The following ATP5PB variants were observed in gnomAD, a reference collection of about 807,000 sequenced individuals.
ATP5PB encodes the protein ATP synthase peripheral stalk subunit b, mitochondrial.
ATP5PB carries 21 observed loss-of-function variants against 34.5 expected under a neutral mutation model. The ratio of observed to expected loss-of-function variants is 0.61; its 90% CI spans 0.43 to 0.88. The LOEUF is 0.88. Among genes scored for constraint, ATP5PB ranks in the 40% least tolerant of loss-of-function variants. The probability of loss-of-function intolerance (pLI) is 0.00; values close to 1 mark genes in which losing one functional copy is unlikely to be tolerated. For synonymous variants in ATP5PB, 108 were observed against 114.1 expected, an observed-to-expected ratio of 0.95 and a Z score of 0.34; for missense variants, 293 against 317.4, an observed-to-expected ratio of 0.92 and a Z score of 0.58.
chr1:111,449,934 C>T, intron 2 of ATP5PB, 61 bp downstream of exon 2: 1 of 1,600,386 alleles, frequency 6.2e-7, no homozygotes, highest in Non-Finnish European at 8.6e-7. Flanking sequence ...TTTCCCGATT[C>T]CTGCCCCCAC....
chr1:111,454,393 G>C (rs552962930), intron 3 of ATP5PB, 37 bp downstream of exon 3: 2 of 1,551,920 alleles, frequency 1.3e-6, no homozygotes, highest in South Asian at 2.5e-5. Context: ...AATATGTTTT[G>C]ATGGCACCAC....
chr1:111,459,154 A>G (rs1454961539), intron 5 of ATP5PB, among the ~76,000 whole-genome samples: 1 of 152,194 alleles, frequency 6.6e-6, no homozygotes, highest in Non-Finnish European at 1.5e-5. Flanking sequence ...AGTGATGTGT[A>G]TATGCCTATA....
chr1:111,458,140 A>G (rs1653524562), intron 5 of ATP5PB, among the ~76,000 whole-genome samples: 1 of 152,242 alleles, frequency 6.6e-6, no homozygotes, highest in Non-Finnish European at 1.5e-5. Context: ...GGAGAAGCAC[A>G]GAAAATAAAT....
chr1:111,454,436 T>G, intron 3 of ATP5PB, 80 bp downstream of exon 3: 1 of 1,478,528 alleles, frequency 6.8e-7, no homozygotes, highest in Non-Finnish European at 9.0e-7. Flanking sequence ...TCTTCTTTGG[T>G]TTTTGTTGTT....
Position 111,452,060 on chromosome 1 carries a change from G to C in ATP5PB, c.78-2151G>C, listed in dbSNP as rs574720595. On this transcript the variant is annotated intron_variant, in intron 2 of 6. Coordinates refer to ENST00000369722, the MANE Select transcript of ATP5PB (RefSeq NM_001688.5). ...CTTGAGCCCAGGAGGTGGAGGCTGC[G>C]AGTGAGCAGTGATGGCACCACTGCA... Among the ~76,000 whole-genome samples, 15 of 151,688 alleles carry C rather than the reference G, an allele frequency of 9.9e-5. No individual in the cohort carries two copies. In the East Asian group the frequency reaches 2.9e-3, roughly 29 times the overall value.
rs539413637 is a variant in ATP5PB, at chr1:111,449,806, C to T, written c.41-31C>T. On this transcript the variant is annotated intron_variant, in intron 1 of 6. Coordinates refer to ENST00000369722, the MANE Select transcript of ATP5PB (RefSeq NM_001688.5). ...AAAGGGCAAACCAGATTTCATTTGA[C>T]TTTGCTGACCTTCGCCTTGTCTATC... The T allele has an allele frequency of 8.1e-6, 13 of 1,614,102 alleles. No homozygotes were observed. The East Asian group carries it at 1.6e-4, about 19-fold the overall frequency.
At chr1:111,456,508 CTA>C in intron 4 of ATP5PB, 120 bp from the exon 5 acceptor site, 2 of 1,326,804 alleles carry the variant, frequency 1.5e-6, no homozygotes, top group East Asian at 2.6e-5. Context: ...GCGTTTCTTT[CTA>C]TGTTTCTTTG....
chr1:111,450,392 A>G (rs569961970), intron 2 of ATP5PB, among the ~76,000 whole-genome samples: 24 of 152,226 alleles, frequency 1.6e-4, no homozygotes, highest in Non-Finnish European at 2.8e-4. Context: ...ACCTGCCCTC[A>G]TGGAGCTCAC....
chr1:111,459,501 G>A lies in ATP5PB; in HGVS notation c.558G>A (p.Leu186=), dbSNP rs1557801689. The change falls in exon 6 of 7, where the codon CTG becomes CTA. Residue 186 remains leucine (L), a synonymous_variant. Transcript: ENST00000369722. ...TGGAAGTTACTTACCGGGAACGACT[G>A]TATAGAGTATATAAGGAAGTAAAGA... ...MALEVTYRER[L]YRVYKEVKNR... The A allele has an allele frequency of 6.2e-7, 1 of 1,613,796 alleles. No homozygotes were observed. The highest frequency in any genetic ancestry group is 2.2e-5 in the East Asian group (1 of 44,880).
At chr1:111,456,379 C>A in intron 4 of ATP5PB, 130 bp downstream of exon 4, 1 of 1,128,916 alleles carries the variant, frequency 8.9e-7, no homozygotes, top group Non-Finnish European at 1.2e-6. Flanking sequence ...TAAGTGTTAA[C>A]GTTAGTTACT....
At chr1:111,450,615 A>G (rs943065572) in intron 2 of ATP5PB, among the ~76,000 whole-genome samples, 1 of 152,180 alleles carries the variant, frequency 6.6e-6, no homozygotes, top group Non-Finnish European at 1.5e-5. Context: ...GTGCTTAGTA[A>G]ATTTAGCAGC....
intron 5 of ATP5PB, among the ~76,000 whole-genome samples, chr1:111,458,900 C>T (rs940322500): frequency 3.3e-5 from 5 of 152,164 alleles, no homozygotes; most frequent in Non-Finnish European, 7.4e-5. Flanking sequence ...ATTATAATAA[C>T]TATGCCATGG....
chr1:111,452,906 G>T (rs915853776), intron 2 of ATP5PB, among the ~76,000 whole-genome samples: 1 of 152,152 alleles, frequency 6.6e-6, no homozygotes, highest in African/African-American at 2.4e-5. Context: ...CAGTTCAAAC[G>T]TCGGTAGTGC....
At chr1:111,452,027 G>A (rs752469690) in intron 2 of ATP5PB, among the ~76,000 whole-genome samples, 129 of 152,200 alleles carry the variant, frequency 8.5e-4, no homozygotes, top group Non-Finnish European at 1.6e-3. Context: ...GCTGAGGTGG[G>A]AGGATGGCTT....
At chr1:111,460,762 C>T (rs1337408551) in intron 6 of ATP5PB, among the ~76,000 whole-genome samples, 155 bp from the exon 7 acceptor site, 1 of 152,176 alleles carries the variant, frequency 6.6e-6, no homozygotes, top group Non-Finnish European at 1.5e-5. Context: ...ATTAATTTTA[C>T]TTCTAAACCT....
intron 2 of ATP5PB, 101 bp downstream of exon 2, chr1:111,449,974 C>T: frequency 3.3e-6 from 5 of 1,510,576 alleles, no homozygotes; most frequent in Non-Finnish European, 4.6e-6. Context: ...AAATTTCTTT[C>T]CGATAATTTT....
At position 111,457,342 on chromosome 1, in the gene ATP5PB, A is replaced by ACAC. The variant is rs1557801147; in HGVS notation, c.513+587_513+588insCAC. Among the ~76,000 whole-genome samples, 1,305 of 134,774 alleles carry ACAC rather than the reference A, an allele frequency of 9.7e-3. 14 individuals are homozygous for ACAC. The highest frequency in any genetic ancestry group is 0.038 in the African/African-American group (1,251 of 32,884). 88.4% of individuals were successfully genotyped at this position (134,774 alleles called of 152,430 possible). On this transcript the variant is annotated intron_variant, in intron 5 of 6. Transcript: ENST00000369722. ...ACACACACACACACACACACACACA[A>ACAC]ACAACAAATTCAGATAGCAGTAGAG...
At position 111,454,233 on chromosome 1, in the gene ATP5PB, T is replaced by C; in HGVS notation, c.100T>C (p.Phe34Leu). 1.9e-6 allele frequency: 3 copies of C among 1,602,088 alleles called. No individual in the cohort carries two copies. Among genetic ancestry groups the C allele is most frequent in the Non-Finnish European group, 2.6e-6 (3 of 1,176,338 alleles). The stretch of plus-strand genomic sequence containing the variant: ...TAGGGTATTGCAGGCAACAAGGACC[T>C]TTCATACAGGGCAGCCACACCTTGT... ...GPGVLQATRTFHTGQPHLVPV... is the reference protein window; with the variant it reads ...GPGVLQATRTLHTGQPHLVPV... The change falls in exon 3 of 7, where the codon TTT becomes CTT. Residue 34 changes from phenylalanine (F) to leucine (L), a missense_variant. Phe to Leu is a conservative substitution (Grantham distance 22). Coordinates refer to ENST00000369722, the MANE Select transcript of ATP5PB (RefSeq NM_001688.5).
At chr1:111,451,491 C>T (rs1221149466) in intron 2 of ATP5PB, among the ~76,000 whole-genome samples, 2 of 152,204 alleles carry the variant, frequency 1.3e-5, no homozygotes, top group African/African-American at 2.4e-5. Flanking sequence ...CCCATACCCC[C>T]ACTAGAATGT....
Sources: allele counts gnomAD v4.1 joint callset (sites outside exome capture counted in the v4.1 genomes callset), GRCh38; gene constraint gnomAD v4.1.1; transcripts MANE v1.5; gene names NCBI Gene and HGNC (gene_info 2026-07-23, HGNC 2026-07-21).